The following HIKESHI variants were observed in gnomAD, a reference collection of about 807,000 sequenced individuals.
HIKESHI encodes heat shock protein nuclear import factor hikeshi.
HIKESHI carries 13 observed loss-of-function variants against 25.7 expected under a neutral mutation model. The ratio of observed to expected loss-of-function variants is 0.51; its 90% CI spans 0.33 to 0.80. HIKESHI has a LOEUF of 0.80. Ranked by LOEUF, HIKESHI falls within the 30% of genes least tolerant of loss-of-function variation. The pLI, the probability that HIKESHI is intolerant of heterozygous loss-of-function variation, is 0.02. For synonymous variants in HIKESHI, 76 were observed against 78.7 expected, an observed-to-expected ratio of 0.97 and a Z score of 0.18; for missense variants, 174 against 229.5, an observed-to-expected ratio of 0.76 and a Z score of 1.56.
Position 86,306,458 on chromosome 11 carries a change from T to C in HIKESHI, c.244T>C (p.Phe82Leu). 1 of 1,608,208 alleles carries C rather than the reference T, an allele frequency of 6.2e-7. No homozygotes were observed. The highest frequency in any genetic ancestry group is 8.5e-7 in the Non-Finnish European group (1 of 1,174,894). Residue 82 changes from phenylalanine (F) to leucine (L), a missense_variant, in exon 2 of 5, where the codon TTC becomes CTC. Phe to Leu is a conservative substitution (Grantham distance 22). Transcript: ENST00000278483. ...CACGAATGGGAAGCCAAGTGCCATC[T>C]TCAAAATTTCAGGTCTTAAATCTGG... is the stretch of plus-strand genomic sequence containing the variant. ...FVTNGKPSAI[F>L]KISGLKSGEG... is the part of the protein sequence containing the mutation.
At chr11:86,302,557 C>T in intron 1 of HIKESHI, 79 bp downstream of exon 1, 1 of 1,489,630 alleles carries the variant, frequency 6.7e-7, no homozygotes, top group Non-Finnish European at 9.1e-7. Flanking sequence ...GGTGCGCAGG[C>T]GCTAGGGATG....
chr11:86,303,836 A>G (rs1428384630), intron 1 of HIKESHI, among the ~76,000 whole-genome samples: 1 of 152,160 alleles, frequency 6.6e-6, no homozygotes, highest in Non-Finnish European at 1.5e-5. Flanking sequence ...TCTTAAAGAG[A>G]TACACCTTTT....
chr11:86,338,318 G>A (rs970029069), intron 3 of HIKESHI, among the ~76,000 whole-genome samples: 1 of 152,072 alleles, frequency 6.6e-6, no homozygotes, highest in Non-Finnish European at 1.5e-5. Context: ...ATTATCAAGA[G>A]GAAAAATTGA....
At chr11:86,313,895 T>C (rs1946901475) in intron 2 of HIKESHI, among the ~76,000 whole-genome samples, 1 of 152,104 alleles carries the variant, frequency 6.6e-6, no homozygotes, top group African/African-American at 2.4e-5. Context: ...CTTTTCTAGG[T>C]GGAGGTAATA....
At chr11:86,312,386 T>G (rs1210123007) in intron 2 of HIKESHI, among the ~76,000 whole-genome samples, 3 of 152,216 alleles carry the variant, frequency 2.0e-5, no homozygotes, top group African/African-American at 7.2e-5. Context: ...TTGCAACCCC[T>G]GCCTTTTTTT....
At chr11:86,312,489 C>T (rs531118110) in intron 2 of HIKESHI, among the ~76,000 whole-genome samples, 55 of 152,064 alleles carry the variant, frequency 3.6e-4, no homozygotes, top group East Asian at 5.8e-4. Flanking sequence ...TACAGCACAC[C>T]GATGGGTCTT....
chr11:86,338,889 T>G (rs1947643020), intron 3 of HIKESHI, among the ~76,000 whole-genome samples: 2 of 152,248 alleles, frequency 1.3e-5, no homozygotes, highest in Admixed American at 1.3e-4. Context: ...AAGACTTTTT[T>G]ACTGTACATG....
intron 2 of HIKESHI, among the ~76,000 whole-genome samples, chr11:86,327,310 T>G (rs1372833441): frequency 6.6e-6 from 1 of 152,070 alleles, no homozygotes. Context: ...AGCCTCTGGT[T>G]TTCCTTTTTT....
At chr11:86,314,441 C>T (rs1946918750) in intron 2 of HIKESHI, among the ~76,000 whole-genome samples, 1 of 151,952 alleles carries the variant, frequency 6.6e-6, no homozygotes, top group South Asian at 2.1e-4. Context: ...ATGGTGGAAC[C>T]CCCTGTATAG....
At chr11:86,305,655 G>A (rs1369232073) in intron 1 of HIKESHI, among the ~76,000 whole-genome samples, 1 of 152,096 alleles carries the variant, frequency 6.6e-6, no homozygotes, top group African/African-American at 2.4e-5. Flanking sequence ...CAGGATTACA[G>A]CCGTGAGCCA....
intron 2 of HIKESHI, among the ~76,000 whole-genome samples, chr11:86,314,198 T>TG (rs1267010752): frequency 6.6e-6 from 1 of 152,062 alleles, no homozygotes; most frequent in Non-Finnish European, 1.5e-5. Flanking sequence ...TGAACAATTT[T>TG]GGGTAAAGGA....
chr11:86,309,686 G>C (rs993136873), intron 2 of HIKESHI, among the ~76,000 whole-genome samples: 2 of 152,096 alleles, frequency 1.3e-5, no homozygotes, highest in Non-Finnish European at 2.9e-5. Context: ...TTTTCTTTTA[G>C]GGTTTTTATG....
At chr11:86,304,434 A>C (rs777070852) in intron 1 of HIKESHI, among the ~76,000 whole-genome samples, 1 of 151,974 alleles carries the variant, frequency 6.6e-6, no homozygotes, top group Non-Finnish European at 1.5e-5. Flanking sequence ...TGTGAAAAGG[A>C]CACTTTTTCA....
chr11:86,342,083 C>T lies in HIKESHI; in HGVS notation c.421-2520C>T, dbSNP rs7946619. ...AAACTGATGAGTGAAATTAGAATAT[C>T]ATACTTAGTTTGTGTTTCTTGATTA... is the stretch of plus-strand genomic sequence containing the variant. On this transcript the variant is annotated intron_variant, in intron 3 of 4. Coordinates refer to ENST00000278483, the MANE Select transcript of HIKESHI (RefSeq NM_016401.4). 6.4e-3 allele frequency among the ~76,000 whole-genome samples: 980 copies of T among 151,980 alleles called. 13 individuals carry two copies. Among genetic ancestry groups the T allele is most frequent in the African/African-American group, 0.022 (902 of 41,456 alleles).
Position 86,337,527 on chromosome 11 carries a change from T to G in HIKESHI, c.417T>G (p.Thr139=). The G allele has an allele frequency of 6.2e-7, 1 of 1,612,078 alleles. No individual in the cohort carries two copies. Among genetic ancestry groups the G allele is most frequent in the Non-Finnish European group, 8.5e-7 (1 of 1,179,406 alleles). Residue 139 remains threonine (T), a synonymous_variant, in exon 3 of 5, where the codon ACT becomes ACG. Transcript: ENST00000278483. ...CTGTATCCTCAGTTGACTCATTCAC[T>G]CAGGTAATGCAACATACATTTCATT... ...NAAVSSVDSF[T]QFTQKMLDNF...
At chr11:86,329,574 C>CTTTTTT (rs71040232) in intron 2 of HIKESHI, among the ~76,000 whole-genome samples, 2 of 143,878 alleles carry the variant, frequency 1.4e-5, no homozygotes, top group African/African-American at 2.6e-5. Context: ...CCTGTGATTT[C>CTTTTTT]TTTTTTTTTT....
rs1477425274 is a variant in HIKESHI at position 86,302,349 on chromosome 11, G to T, written c.-100G>T. 14 of 1,468,912 alleles carry T rather than the reference G, an allele frequency of 9.5e-6. No individual in the cohort carries two copies. The highest frequency in any genetic ancestry group is 3.4e-4 in the Middle Eastern group (2 of 5,828). 91.0% of individuals were successfully genotyped at this position (1,468,912 alleles called of 1,614,324 possible). A position where few individuals can be genotyped will look rare whatever the true frequency, so the allele number is the denominator to read the frequency against. ...GTAGTGGAGGGGCAGACACCCTCCC[G>T]CAAATTCTGGAAGGTTCTTAGTCTC... On this transcript the variant is annotated 5_prime_UTR_variant, in exon 1 of 5. Transcript: ENST00000278483.
chr11:86,339,308 A>T (rs1947657717), intron 3 of HIKESHI, among the ~76,000 whole-genome samples: 1 of 152,104 alleles, frequency 6.6e-6, no homozygotes, highest in African/African-American at 2.4e-5. Flanking sequence ...TTGGCCTCCC[A>T]AAGTGCTGGG....
At chr11:86,333,994 T>C (rs1947483789) in intron 2 of HIKESHI, among the ~76,000 whole-genome samples, 1 of 152,212 alleles carries the variant, frequency 6.6e-6, no homozygotes, top group South Asian at 2.1e-4. Context: ...ACTTTATTAA[T>C]AGATATCTGA....
Sources: allele counts gnomAD v4.1 joint callset (sites outside exome capture counted in the v4.1 genomes callset), GRCh38; gene constraint gnomAD v4.1.1; transcripts MANE v1.5; gene names NCBI Gene and HGNC (gene_info 2026-07-23, HGNC 2026-07-21).